JAKMIP1: variants seen among roughly 807,000 people sequenced by gnomAD.
JAKMIP1 encodes the protein janus kinase and microtubule-interacting protein 1.
JAKMIP1 carries 33 observed loss-of-function variants against 113.0 expected under a neutral mutation model. The observed-to-expected ratio is 0.29, with a 90% confidence interval of 0.22 to 0.39. The LOEUF is 0.39. JAKMIP1 is among the 10% of genes least tolerant of loss of function. The pLI, the probability that JAKMIP1 is intolerant of heterozygous loss-of-function variation, is 1.00. For synonymous variants in JAKMIP1, 480 were observed against 459.9 expected, an observed-to-expected ratio of 1.04 and a Z score of -0.56; for missense variants, 813 against 1,080.5, an observed-to-expected ratio of 0.75 and a Z score of 3.47.
intron 13 of JAKMIP1, among the ~76,000 whole-genome samples, chr4:6,052,220 T>TA (rs11341023): frequency 4.0e-4 from 59 of 147,930 alleles, no homozygotes; most frequent in South Asian, 1.3e-3. Flanking sequence ...AAAAATAAAA[T>TA]AAAAAAAAAA....
At chr4:6,121,233 C>A (rs1173351952) in intron 1 of JAKMIP1, among the ~76,000 whole-genome samples, 1 of 150,714 alleles carries the variant, frequency 6.6e-6, no homozygotes, top group Non-Finnish European at 1.5e-5. Flanking sequence ...GCAGCTTCAT[C>A]TTCATCAGCA....
rs146601310 is a variant in JAKMIP1 at position 6,155,614 on chromosome 4, A to G, written c.-147-42617T>C. 6.6e-6 allele frequency among the ~76,000 whole-genome samples: 1 copy of G among 152,358 alleles called. No homozygotes were observed. The highest frequency in any genetic ancestry group is 1.9e-4 in the East Asian group (1 of 5,186). On this transcript the variant is annotated intron_variant, in intron 1 of 20. Transcript: ENST00000409021. This position sits in a 1 kb window ranked among gnomAD's most constrained non-coding sequence, Gnocchi z 6.1. ...GAACTCACGGAGGATTTACGCGCAT[A>G]TTCAGCTGCAGGGACATGCACGGAT...
Position 6,097,500 on chromosome 4 carries a change from C to T in JAKMIP1, c.624+7973G>A, listed in dbSNP as rs895632486. ...CCCCTTGGGTATGCTAAATACACTG[C>T]GTTGTACACCTGCATTTTGACTGCG... On this transcript the variant is annotated intron_variant, in intron 3 of 20. Transcript: ENST00000409021. This position sits in a 1 kb window ranked among gnomAD's most constrained non-coding sequence, Gnocchi z 4.3. Among the ~76,000 whole-genome samples the T allele has an allele frequency of 1.3e-5, 2 of 152,086 alleles. No individual in the cohort carries two copies. Among genetic ancestry groups the T allele is most frequent in the South Asian group, 2.1e-4 (1 of 4,818 alleles).
At position 6,136,513 on chromosome 4, in the gene JAKMIP1, G is replaced by C. The variant is rs1464906803; in HGVS notation, c.-147-23516C>G. On this transcript the variant is annotated intron_variant, in intron 1 of 20. Transcript: ENST00000409021. The surrounding 1 kb of genome is among the most constrained non-coding windows in gnomAD (Gnocchi z 5.9). The stretch of plus-strand genomic sequence containing the variant: ...CTCAAGGTCCCAAGAGGGAGGCCTC[G>C]CTTCCCATATTTTGTATCTGAGACA... 6.6e-6 allele frequency among the ~76,000 whole-genome samples: 1 copy of C among 152,202 alleles called. No homozygotes were observed. Among genetic ancestry groups the C allele is most frequent in the East Asian group, 1.9e-4 (1 of 5,174 alleles).
At chr4:6,074,350 G>C (rs1210117998) in intron 8 of JAKMIP1, among the ~76,000 whole-genome samples, 2 of 152,204 alleles carry the variant, frequency 1.3e-5, no homozygotes, top group Non-Finnish European at 2.9e-5. Flanking sequence ...GGGTCTTTCT[G>C]ACAGAAAGTC....
Position 6,183,263 on chromosome 4 carries a change from G to A in JAKMIP1, c.-148+16990C>T, listed in dbSNP as rs1389379073. Among the ~76,000 whole-genome samples the A allele has an allele frequency of 6.6e-6, 1 of 152,098 alleles. No individual in the cohort carries two copies. The highest frequency in any genetic ancestry group is 1.5e-5 in the Non-Finnish European group (1 of 68,014). On this transcript the variant is annotated intron_variant, in intron 1 of 20. Transcript: ENST00000409021. The surrounding 1 kb of genome is among the most constrained non-coding windows in gnomAD (Gnocchi z 5.3). ...GGAGGCTGAGGCAGGCGCATCACCT[G>A]AGGTCAGGAGTTTGAGACCAGTCTG...
At position 6,059,873 on chromosome 4, in the gene JAKMIP1, C is replaced by G. The variant is rs1389302638; in HGVS notation, c.1644+551G>C. Reference sequence around the variant, plus strand: ...AGAGCCCTCTCTGGCTCCCCCACTCCAGGGGACAGGTCTAGGCCCAGGCAT... The same window carrying G: ...AGAGCCCTCTCTGGCTCCCCCACTCGAGGGGACAGGTCTAGGCCCAGGCAT... On this transcript the variant is annotated intron_variant, in intron 11 of 20. Transcript: ENST00000409021. This position sits in a 1 kb window ranked among gnomAD's most constrained non-coding sequence, Gnocchi z 4.8. 4.6e-5 allele frequency among the ~76,000 whole-genome samples: 7 copies of G among 152,082 alleles called. No homozygotes were observed. The highest frequency in any genetic ancestry group is 1.0e-4 in the Non-Finnish European group (7 of 68,022).
chr4:6,032,577 C>G (rs1271930197), intron 19 of JAKMIP1, among the ~76,000 whole-genome samples: 1 of 152,220 alleles, frequency 6.6e-6, no homozygotes, highest in Non-Finnish European at 1.5e-5. Flanking sequence ...TTCTGTGGGT[C>G]AGCCCCAGTC....
rs28520466 is a variant in JAKMIP1 at position 6,116,764 on chromosome 4, T to C, written c.-147-3767A>G. On this transcript the variant is annotated intron_variant, in intron 1 of 20. Coordinates refer to ENST00000409021, the MANE Select transcript of JAKMIP1 (RefSeq NM_001099433.2). The surrounding 1 kb of genome is among the most constrained non-coding windows in gnomAD (Gnocchi z 5.1). ...AGGTCCCAGCCATCACAGAACGGTCTAGTCAGGAACACCACTATGGAAATG... is the reference window on the plus strand; with the variant it reads ...AGGTCCCAGCCATCACAGAACGGTCCAGTCAGGAACACCACTATGGAAATG... Among the ~76,000 whole-genome samples the C allele has an allele frequency of 0.089, 13,611 of 152,222 alleles. 819 individuals carry two copies. The highest frequency in any genetic ancestry group is 0.17 in the African/African-American group (7,060 of 41,504).
Position 6,135,099 on chromosome 4 carries a change from T to G in JAKMIP1, c.-147-22102A>C, listed in dbSNP as rs1719039813. Among the ~76,000 whole-genome samples, 1 of 152,062 alleles carries G rather than the reference T, an allele frequency of 6.6e-6. No homozygotes were observed. Among genetic ancestry groups the G allele is most frequent in the Non-Finnish European group, 1.5e-5 (1 of 68,006 alleles). ...GCTCAGTCTCCATGGGGGCCACTCC[T>G]CCCCATCCTCTCCCATTCTCAAGCC... On this transcript the variant is annotated intron_variant, in intron 1 of 20. Transcript: ENST00000409021. This position sits in a 1 kb window ranked among gnomAD's most constrained non-coding sequence, Gnocchi z 4.9.
chr4:6,137,279 G>C lies in JAKMIP1; in HGVS notation c.-147-24282C>G, dbSNP rs1321923717. Among the ~76,000 whole-genome samples, 1 of 152,170 alleles carries C rather than the reference G, an allele frequency of 6.6e-6. No homozygotes were observed. The highest frequency in any genetic ancestry group is 1.5e-5 in the Non-Finnish European group (1 of 68,042). On this transcript the variant is annotated intron_variant, in intron 1 of 20. Coordinates refer to ENST00000409021, the MANE Select transcript of JAKMIP1 (RefSeq NM_001099433.2). The surrounding 1 kb of genome is among the most constrained non-coding windows in gnomAD (Gnocchi z 4.5). ...CCCGTGCCAGCAGCCGGGCTCACCA[G>C]GGCCCACTGAGCCACAGCAGCCACA...
At chr4:6,026,756 C>T (rs1482842467) in intron 20 of JAKMIP1, among the ~76,000 whole-genome samples, 22 of 152,180 alleles carry the variant, frequency 1.4e-4, no homozygotes, top group Admixed American at 1.3e-3. Context: ...CTTCTGCCTA[C>T]ACCACGCTTG....
intron 18 of JAKMIP1, among the ~76,000 whole-genome samples, chr4:6,036,643 G>T (rs1347742760): frequency 1.3e-5 from 2 of 152,236 alleles, no homozygotes; most frequent in Non-Finnish European, 2.9e-5. Flanking sequence ...TGGCAAAGCT[G>T]AATGAGGCAT....
chr4:6,033,430 C>A (rs778853532), intron 19 of JAKMIP1, among the ~76,000 whole-genome samples: 1 of 152,122 alleles, frequency 6.6e-6, no homozygotes, highest in African/African-American at 2.4e-5. Flanking sequence ...TGAGAGAAGA[C>A]ATGATAATGA....
intron 1 of JAKMIP1, among the ~76,000 whole-genome samples, chr4:6,115,537 C>T (rs982256586): frequency 6.6e-6 from 1 of 152,236 alleles, no homozygotes; most frequent in African/African-American, 2.4e-5. Flanking sequence ...CAGCCCTGCA[C>T]CCTGGGGATA....
chr4:6,079,635 G>A (rs1370289681), intron 7 of JAKMIP1, among the ~76,000 whole-genome samples: 1 of 152,192 alleles, frequency 6.6e-6, no homozygotes, highest in Non-Finnish European at 1.5e-5. Flanking sequence ...GAATTCTCTG[G>A]ATGCAATTCT....
rs1722532435 is a variant in JAKMIP1 at position 6,094,473 on chromosome 4, G to A, written c.625-8844C>T. 1.3e-5 allele frequency among the ~76,000 whole-genome samples: 2 copies of A among 152,190 alleles called. No individual in the cohort carries two copies. Among genetic ancestry groups the A allele is most frequent in the African/African-American group, 4.8e-5 (2 of 41,464 alleles). ...GAGGGCTTGGCAGACAGGCATGGGA[G>A]TAAACAAACCTACCAACCTCCGGGG... On this transcript the variant is annotated intron_variant, in intron 3 of 20. Coordinates refer to ENST00000409021, the MANE Select transcript of JAKMIP1 (RefSeq NM_001099433.2). The surrounding 1 kb of genome is among the most constrained non-coding windows in gnomAD (Gnocchi z 4.2).
chr4:6,175,017 G>T (rs73077410), intron 1 of JAKMIP1, among the ~76,000 whole-genome samples: 1 of 152,054 alleles, frequency 6.6e-6, no homozygotes, highest in Admixed American at 6.6e-5. Context: ...GGCTATCCTC[G>T]GTTTCCCCAC....
In JAKMIP1 at chr4:6,054,164, C is replaced by T. The variant is rs749070902; in HGVS notation, c.1708-16G>A. The T allele has an allele frequency of 1.2e-6, 2 of 1,613,876 alleles. No individual in the cohort carries two copies. Among genetic ancestry groups the T allele is most frequent in the South Asian group, 2.2e-5 (2 of 91,042 alleles). ...GTCTGTAAATCTAGAGCAAAGATAC[C>T]TGCGGATTAACAGGATGGGTGGGAG... On this transcript the variant is annotated splice_polypyrimidine_tract_variant and intron_variant, in intron 12 of 20. Transcript: ENST00000409021.
Sources: gnomAD v4.1 joint callset for allele counts (sites outside exome capture counted in the v4.1 genomes callset) on GRCh38, gnomAD v4.1.1 for gene constraint, Gnocchi (gnomAD v3.1) non-coding constraint, MANE v1.5 for transcripts, NCBI Gene and HGNC (gene_info 2026-07-23, HGNC 2026-07-21) for gene names.